Variants in NAV3 observed in about 807,000 individuals in gnomAD.
NAV3 encodes the protein neuron navigator 3.
Under a neutral mutation model 244.7 loss-of-function variants are expected in NAV3, and 87 were observed. The ratio of observed to expected loss-of-function variants is 0.36; its 90% CI spans 0.30 to 0.42. The LOEUF is 0.42. NAV3 is among the 20% of genes least tolerant of loss of function. The pLI, the probability that NAV3 is intolerant of heterozygous loss-of-function variation, is 1.00. For synonymous variants in NAV3, 1,126 were observed against 1,042.2 expected, an observed-to-expected ratio of 1.08 and a Z score of -1.55; for missense variants, 2,663 against 2,893.3, an observed-to-expected ratio of 0.92 and a Z score of 1.83.
chr12:77,684,630 A>G (rs1874630791), intron 2 of NAV3, among the ~76,000 whole-genome samples: 1 of 151,988 alleles, frequency 6.6e-6, no homozygotes, highest in East Asian at 1.9e-4. Context: ...GCCTACTTTT[A>G]ATTTTCTTAA....
intron 23 of NAV3, among the ~76,000 whole-genome samples, chr12:78,160,736 C>G (rs776769934): frequency 6.6e-6 from 1 of 152,020 alleles, no homozygotes. Flanking sequence ...TGTATTCTCT[C>G]TCATATTCTC....
intron 9 of NAV3, among the ~76,000 whole-genome samples, chr12:78,045,344 G>A (rs1881598980): frequency 6.6e-6 from 1 of 152,046 alleles, no homozygotes; most frequent in Non-Finnish European, 1.5e-5. Flanking sequence ...CACACCGGCT[G>A]GAGTGCAATG....
rs548234681 is a variant in NAV3 at position 78,050,870 on chromosome 12, G to A, written c.2239G>A (p.Ala747Thr). ...CCCCATGACCTGGAGGTTGGGCCAG[G>A]CATGTCCGCGACTTCAGGCGGGAGA... ...PTPMTWRLGQ[A>T]CPRLQAGDAP... The change falls in exon 11 of 40, where the codon GCA becomes ACA. Residue 747 changes from alanine (A) to threonine (T), a missense_variant. Physicochemically the swap from Ala to Thr is moderately conservative, Grantham distance 58. Coordinates refer to ENST00000397909, the MANE Select transcript of NAV3 (RefSeq NM_001024383.2). 1.7e-5 allele frequency: 27 copies of A among 1,614,144 alleles called. No homozygotes were observed. The East Asian group carries it at 6.0e-4, about 36-fold the overall frequency.
rs1447669925 is a variant in NAV3 at position 77,934,535 on chromosome 12, T to C, written c.244-5784T>C. Among the ~76,000 whole-genome samples the C allele has an allele frequency of 2.6e-5, 4 of 152,320 alleles. No individual in the cohort carries two copies. The East Asian group carries it at 7.7e-4, about 29-fold the overall frequency. ...CTCTTAAATCTGTTCTAGGGCTCCTTTTCCTTCCAATTCTCTTCCCTATAC... is the reference window on the plus strand; with the variant it reads ...CTCTTAAATCTGTTCTAGGGCTCCTCTTCCTTCCAATTCTCTTCCCTATAC... On this transcript the variant is annotated intron_variant, in intron 1 of 39. Coordinates refer to ENST00000397909, the MANE Select transcript of NAV3 (RefSeq NM_001024383.2).
chr12:78,189,264 G>T (rs962236948), intron 33 of NAV3, among the ~76,000 whole-genome samples: 1 of 151,824 alleles, frequency 6.6e-6, no homozygotes, highest in Non-Finnish European at 1.5e-5. Context: ...ATAGGCTAAT[G>T]TAATATCTGA....
intron 1 of NAV3, among the ~76,000 whole-genome samples, chr12:77,855,113 C>A (rs779630699): frequency 6.6e-6 from 1 of 151,992 alleles, no homozygotes; most frequent in Non-Finnish European, 1.5e-5. Flanking sequence ...GGTGACAGAG[C>A]GAGACTCCAT....
chr12:78,175,860 T>C (rs907804372), intron 25 of NAV3, among the ~76,000 whole-genome samples: 15 of 151,756 alleles, frequency 9.9e-5, no homozygotes, highest in African/African-American at 3.4e-4. Context: ...ATTGTGGGCA[T>C]AGAGATGAAG....
intron 5 of NAV3, among the ~76,000 whole-genome samples, chr12:77,974,490 G>A (rs1893293215): frequency 1.3e-5 from 2 of 151,624 alleles, no homozygotes; most frequent in South Asian, 4.2e-4. Context: ...TGGAGACATG[G>A]TTTCACCATG....
At chr12:77,885,137 T>A (rs1416939842) in intron 1 of NAV3, among the ~76,000 whole-genome samples, 1 of 152,102 alleles carries the variant, frequency 6.6e-6, no homozygotes, top group Admixed American at 6.6e-5. Context: ...TAATCATTTA[T>A]CTTGAAAGCG....
At chr12:77,735,227 T>A (rs1376080737) in intron 2 of NAV3, among the ~76,000 whole-genome samples, 1 of 152,140 alleles carries the variant, frequency 6.6e-6, no homozygotes, top group Admixed American at 6.5e-5. Context: ...AGATACATAT[T>A]GAAAATGAGT....
intron 1 of NAV3, among the ~76,000 whole-genome samples, chr12:77,904,731 G>A (rs1230249902): frequency 6.6e-6 from 1 of 152,140 alleles, no homozygotes; most frequent in African/African-American, 2.4e-5. Flanking sequence ...GAAGGACACA[G>A]CAGTATTTAT....
At chr12:77,758,216 C>A (rs1350180886) in intron 2 of NAV3, among the ~76,000 whole-genome samples, 1 of 152,118 alleles carries the variant, frequency 6.6e-6, no homozygotes, top group Non-Finnish European at 1.5e-5. Flanking sequence ...TATCCTTTTA[C>A]CTGGATATAC....
chr12:77,716,330 T>A (rs1876360263), intron 2 of NAV3, among the ~76,000 whole-genome samples: 1 of 151,768 alleles, frequency 6.6e-6, no homozygotes. Context: ...ACTGCACTTG[T>A]GCTAGATATA....
chr12:77,754,144 T>C (rs1423010733), intron 2 of NAV3, among the ~76,000 whole-genome samples: 3 of 152,178 alleles, frequency 2.0e-5, no homozygotes, highest in Non-Finnish European at 4.4e-5. Flanking sequence ...CATAATTTCA[T>C]ATAATAATGA....
At chr12:77,763,581 T>A (rs1869597648) in intron 2 of NAV3, among the ~76,000 whole-genome samples, 1 of 152,216 alleles carries the variant, frequency 6.6e-6, no homozygotes, top group African/African-American at 2.4e-5. Flanking sequence ...TCTGAACTCA[T>A]CCTCTGTCCA....
chr12:77,621,511 C>T (rs1360304436), intron 2 of NAV3, among the ~76,000 whole-genome samples: 2 of 143,292 alleles, frequency 1.4e-5, no homozygotes, highest in South Asian at 2.2e-4. Flanking sequence ...GATGGAGTCT[C>T]ACTCTGTTGC....
intron 1 of NAV3, among the ~76,000 whole-genome samples, chr12:77,921,774 A>T (rs1024418492): frequency 4.6e-5 from 7 of 152,140 alleles, no homozygotes; most frequent in Admixed American, 3.3e-4. Context: ...CCAACAAAGA[A>T]GGTAATATGG....
intron 2 of NAV3, among the ~76,000 whole-genome samples, chr12:77,785,427 T>G (rs1870859616): frequency 6.6e-6 from 1 of 151,998 alleles, no homozygotes; most frequent in South Asian, 2.1e-4. Flanking sequence ...TAAAAGAGCT[T>G]GGATGTTAGG....
intron 24 of NAV3, among the ~76,000 whole-genome samples, chr12:78,169,070 A>T (rs1214831170): frequency 6.6e-6 from 1 of 151,760 alleles, no homozygotes; most frequent in Middle Eastern, 3.2e-3. Flanking sequence ...ATTTTAGAAC[A>T]GTGACTTCCA....
Sources: gnomAD v4.1 joint callset for allele counts (sites outside exome capture counted in the v4.1 genomes callset) on GRCh38, gnomAD v4.1.1 for gene constraint, MANE v1.5 for transcripts, NCBI Gene and HGNC (gene_info 2026-07-23, HGNC 2026-07-21) for gene names.